Variants in CPLX1 observed in about 807,000 individuals in gnomAD.
CPLX1 encodes complexin-1.
A neutral mutation model predicts 15.6 loss-of-function variants in CPLX1; 6 were observed. That is an observed-to-expected ratio of 0.39 (90% CI 0.21 to 0.76). CPLX1 has a LOEUF of 0.76. Among genes scored for constraint, CPLX1 ranks in the 30% least tolerant of loss-of-function variants. CPLX1 has a pLI of 0.43. For synonymous variants in CPLX1, 91 were observed against 75.2 expected (o/e 1.21, Z -1.08); for missense variants, 242 against 188.6 (o/e 1.28, Z -1.66).
chr4:805,467 C>G (rs1746540415), intron 2 of CPLX1, among the ~76,000 whole-genome samples: 1 of 152,152 alleles, frequency 6.6e-6, no homozygotes, highest in East Asian at 1.9e-4. Context: ...GTGTTGGCAA[C>G]AATGTGAAGA....
intron 2 of CPLX1, among the ~76,000 whole-genome samples, chr4:813,264 CAA>C (rs397881229): frequency 0.031 from 2,863 of 93,068 alleles, 72 homozygotes; most frequent in African/African-American, 0.093. Flanking sequence ...GACTCTGTCT[CAA>C]AAAAAAAAAA....
intron 3 of CPLX1, among the ~76,000 whole-genome samples, chr4:790,239 C>T (rs13151015): frequency 0.2 from 30,390 of 152,184 alleles, 3,168 homozygotes; most frequent in Middle Eastern, 0.22. Context: ...GGCCAGTGGG[C>T]TGCGGAGGGG....
At chr4:789,456 C>A (rs912347759) in intron 3 of CPLX1, among the ~76,000 whole-genome samples, 2 of 152,252 alleles carry the variant, frequency 1.3e-5, no homozygotes, top group Non-Finnish European at 2.9e-5. Flanking sequence ...TAGGACCAAA[C>A]AGCCAGCATT....
At chr4:798,720 T>G (rs190108866) in intron 2 of CPLX1, among the ~76,000 whole-genome samples, 67 of 152,364 alleles carry the variant, frequency 4.4e-4, no homozygotes, top group African/African-American at 1.6e-3. Flanking sequence ...AGAAGCGCAC[T>G]GGCTCAATTC....
intron 2 of CPLX1, among the ~76,000 whole-genome samples, chr4:821,464 C>T (rs941350380): frequency 6.6e-6 from 1 of 152,192 alleles, no homozygotes; most frequent in East Asian, 1.9e-4. Flanking sequence ...TTAAACAGGG[C>T]GTGTGTCACA....
rs1213922739 is a variant in CPLX1, at chr4:826,057, G to A, written c.-91C>T. 1 of 141,608 alleles carries A rather than the reference G, an allele frequency of 7.1e-6. No homozygotes were observed. The highest frequency in any genetic ancestry group is 7.2e-5 in the Admixed American group (1 of 13,884). The allele number at this position is 141,608 out of a possible 1,614,324, so 8.8% of individuals were successfully genotyped here. ...CGGGGCGCGGTTACCTTCCCGGGGC[G>A]CGGGCGGTCAGCGGCGGGGCGCGCT... On this transcript the variant is annotated 5_prime_UTR_variant, in exon 1 of 4. Transcript: ENST00000304062.
intron 2 of CPLX1, among the ~76,000 whole-genome samples, chr4:816,809 GAGACC>G (rs1480375643): frequency 6.6e-6 from 1 of 152,134 alleles, no homozygotes; most frequent in Non-Finnish European, 1.5e-5. Flanking sequence ...GCGACAGAGC[GAGACC>G]CTGTCTCAAA....
chr4:786,813 C>A (rs1420477214), intron 3 of CPLX1, 115 bp from the exon 4 acceptor site: 6 of 1,420,652 alleles, frequency 4.2e-6, no homozygotes, highest in Non-Finnish European at 4.6e-6. Context: ...CGGCCCCCTA[C>A]CCCACCAGGC....
At chr4:824,997 G>T (rs376055679) in intron 1 of CPLX1, 3 of 354,916 alleles carry the variant, frequency 8.5e-6, no homozygotes, top group East Asian at 7.4e-5. Flanking sequence ...CGTGGAGAAG[G>T]GTTGGGGGTG....
intron 2 of CPLX1, among the ~76,000 whole-genome samples, chr4:803,684 CTTCT>C (rs1437683659): frequency 2.6e-5 from 4 of 152,098 alleles, no homozygotes; most frequent in Admixed American, 2.0e-4. Context: ...CGCGCCCGGC[CTTCT>C]TTCTTTCTCT....
intron 3 of CPLX1, chr4:787,647 G>C (rs1369367075): frequency 1.0e-6 from 1 of 976,682 alleles, no homozygotes; most frequent in Non-Finnish European, 1.2e-6. Flanking sequence ...GGAAGGGGCA[G>C]GGAAGGGCCC....
At chr4:790,930 CTT>C (rs1166877118) in intron 3 of CPLX1, among the ~76,000 whole-genome samples, 1 of 102,152 alleles carries the variant, frequency 9.8e-6, no homozygotes, top group African/African-American at 4.0e-5. Context: ...CTCTTTCCCT[CTT>C]TTTGTCTTTT....
chr4:812,839 A>G (rs1451554603), intron 2 of CPLX1, among the ~76,000 whole-genome samples: 4 of 152,090 alleles, frequency 2.6e-5, no homozygotes, highest in Non-Finnish European at 5.9e-5. Flanking sequence ...GGCTATCCTA[A>G]TGTCCTAACG....
At chr4:803,607 G>A (rs535615361) in intron 2 of CPLX1, among the ~76,000 whole-genome samples, 2 of 147,894 alleles carry the variant, frequency 1.4e-5, no homozygotes, top group African/African-American at 2.5e-5. Flanking sequence ...CCGTGGTCTC[G>A]ATCTCCTGAC....
In CPLX1 at chr4:786,678, C is replaced by T. The variant is rs765832496; in HGVS notation, c.228G>A (p.Glu76=). ...CGGCCTGGGCCTCGGCCTCGCGCTC[C>T]TCCTTCTTCTTGATGCCGTACTGCG... The part of the protein sequence containing the change: ...IRDKYGIKKK[E]EREAEAQAAM... Residue 76 remains glutamate (E), a synonymous_variant, in exon 4 of 4, where the codon GAG becomes GAA. Transcript: ENST00000304062. 3.1e-6 allele frequency: 5 copies of T among 1,608,974 alleles called. No individual in the cohort carries two copies. Among genetic ancestry groups the T allele is most frequent in the Non-Finnish European group, 3.4e-6 (4 of 1,177,588 alleles).
chr4:791,505 C>T (rs1746174823), intron 3 of CPLX1, among the ~76,000 whole-genome samples: 1 of 152,202 alleles, frequency 6.6e-6, no homozygotes, highest in South Asian at 2.1e-4. Flanking sequence ...AGCTTCCCCA[C>T]AACACCCCGT....
chr4:813,944 A>G (rs758129323), intron 2 of CPLX1, among the ~76,000 whole-genome samples: 31 of 152,184 alleles, frequency 2.0e-4, no homozygotes, highest in Non-Finnish European at 4.4e-4. Context: ...CTCTGACACA[A>G]AGAAAGCTGC....
chr4:803,430 G>A (rs1297513501), intron 2 of CPLX1, among the ~76,000 whole-genome samples: 4 of 151,870 alleles, frequency 2.6e-5, no homozygotes, highest in African/African-American at 7.2e-5. Context: ...TCGCTCTGTC[G>A]CCCAGGCTGG....
intron 2 of CPLX1, among the ~76,000 whole-genome samples, chr4:808,731 T>C (rs987307887): frequency 5.3e-5 from 8 of 152,180 alleles, no homozygotes; most frequent in African/African-American, 1.7e-4. Context: ...GGAAATAAGA[T>C]GGTCAAATAA....
Sources: gnomAD v4.1 joint callset for allele counts (sites outside exome capture counted in the v4.1 genomes callset) on GRCh38, gnomAD v4.1.1 for gene constraint, MANE v1.5 for transcripts, NCBI Gene and HGNC (gene_info 2026-07-23, HGNC 2026-07-21) for gene names.